Variants in ARIH1 observed in about 807,000 individuals in gnomAD.
ARIH1 encodes E3 ubiquitin-protein ligase ARIH1.
Under a neutral mutation model 85.0 loss-of-function variants are expected in ARIH1, and 8 were observed. That is an observed-to-expected ratio of 0.09 (90% CI 0.06 to 0.17). The LOEUF is 0.17. Among genes scored for constraint, ARIH1 ranks in the 10% least tolerant of loss-of-function variants. The pLI, the probability that ARIH1 is intolerant of heterozygous loss-of-function variation, is 1.00. For synonymous variants in ARIH1, 238 were observed against 253.6 expected (o/e 0.94, Z 0.59); for missense variants, 311 against 718.1 (o/e 0.43, Z 6.48).
chr15:72,546,444 T>A (rs2064129252), intron 3 of ARIH1, among the ~76,000 whole-genome samples: 1 of 152,186 alleles, frequency 6.6e-6, no homozygotes, highest in South Asian at 2.1e-4. Flanking sequence ...AACGTGAAAT[T>A]TTTGGCTTTA....
chr15:72,574,168 A>G (rs1435041848), intron 11 of ARIH1, among the ~76,000 whole-genome samples: 2 of 152,186 alleles, frequency 1.3e-5, no homozygotes, highest in Non-Finnish European at 1.5e-5. Context: ...TCTGAGATCT[A>G]TAGGGAGGGT....
chr15:72,486,792 C>T (rs967756381), intron 1 of ARIH1, among the ~76,000 whole-genome samples: 3 of 137,380 alleles, frequency 2.2e-5, no homozygotes, highest in Non-Finnish European at 3.0e-5. Context: ...CTCCTGGGTT[C>T]AAGTGATTAT....
At chr15:72,497,973 G>T (rs1282826570) in intron 1 of ARIH1, among the ~76,000 whole-genome samples, 1 of 152,182 alleles carries the variant, frequency 6.6e-6, no homozygotes, top group Non-Finnish European at 1.5e-5. Context: ...ATATACCATA[G>T]TAGGGATGTT....
intron 1 of ARIH1, among the ~76,000 whole-genome samples, chr15:72,490,637 A>C (rs1352578149): frequency 6.6e-6 from 1 of 152,044 alleles, no homozygotes; most frequent in African/African-American, 2.4e-5. Flanking sequence ...TGTAGTTTCA[A>C]AAATGTTCAT....
At chr15:72,528,703 A>C (rs1168037110) in intron 2 of ARIH1, among the ~76,000 whole-genome samples, 1 of 152,072 alleles carries the variant, frequency 6.6e-6, no homozygotes, top group Non-Finnish European at 1.5e-5. Flanking sequence ...AAAAAATAAA[A>C]AATTAGCTAG....
chr15:72,546,922 CT>C lies in ARIH1; in HGVS notation c.588+1967del, dbSNP rs1214973126. On this transcript the variant is annotated intron_variant, in intron 3 of 13. Coordinates refer to ENST00000379887, the MANE Select transcript of ARIH1 (RefSeq NM_005744.5). ...GTTTCTTCTCCTTTTCTTTTCTTTT[CT>C]TTTTTTTTGGAGGGGGGGGGGTGGG... 7.0e-4 allele frequency among the ~76,000 whole-genome samples: 41 copies of C among 58,798 alleles called. No individual in the cohort carries two copies. The East Asian group carries it at 0.016, about 23-fold the overall frequency. The allele number at this position is 58,798 out of a possible 152,430, so 38.6% of individuals were successfully genotyped here.
intron 1 of ARIH1, among the ~76,000 whole-genome samples, chr15:72,505,456 T>G (rs2063920652): frequency 6.6e-6 from 1 of 152,158 alleles, no homozygotes; most frequent in Admixed American, 6.5e-5. Context: ...GCATAATATT[T>G]CAAGTATGAA....
chr15:72,523,530 T>TG (rs397732044), intron 2 of ARIH1, among the ~76,000 whole-genome samples: 7 of 149,876 alleles, frequency 4.7e-5, no homozygotes, highest in East Asian at 3.9e-4. Context: ...TTTTTTTTTT[T>TG]GGGTGGGTGG....
rs568720729 is a variant in ARIH1 at position 72,559,720 on chromosome 15, A to G, written c.738-1763A>G. Among the ~76,000 whole-genome samples, 5 of 152,234 alleles carry G rather than the reference A, an allele frequency of 3.3e-5. No individual in the cohort carries two copies. The East Asian group carries it at 7.7e-4, about 23-fold the overall frequency. On this transcript the variant is annotated intron_variant, in intron 5 of 13. Coordinates refer to ENST00000379887, the MANE Select transcript of ARIH1 (RefSeq NM_005744.5). ...TCCTTTCTCCCCCTAGACCCTAGCA[A>G]CCACTCATCTGCTTTCTGTCTTTGT...
At chr15:72,508,994 CT>C (rs34620007) in intron 1 of ARIH1, among the ~76,000 whole-genome samples, 304 of 136,968 alleles carry the variant, frequency 2.2e-3, no homozygotes, top group East Asian at 4.3e-3. Context: ...GTGCCTGGCC[CT>C]TTTTTTTTTT....
chr15:72,534,152 C>G (rs1294458074), intron 2 of ARIH1, among the ~76,000 whole-genome samples: 3 of 152,050 alleles, frequency 2.0e-5, no homozygotes, highest in African/African-American at 7.3e-5. Context: ...GTTCTACTTA[C>G]ATAAAATATA....
At position 72,590,282 on chromosome 15, in the gene ARIH1, T is replaced by C. The variant is rs2064337461; in HGVS notation, c.*6990T>C. The C allele has an allele frequency of 6.6e-6, 1 of 151,638 alleles. No individual in the cohort carries two copies. The highest frequency in any genetic ancestry group is 2.4e-5 in the African/African-American group (1 of 41,398). The allele number at this position is 151,638 out of a possible 1,614,324, so 9.4% of individuals were successfully genotyped here. Reference sequence around the variant, plus strand: ...ATTATTTTCACCATGCTGTATCTGCTTCTCAGTCACCAAAAGCACCAGCTA... The same window carrying C: ...ATTATTTTCACCATGCTGTATCTGCCTCTCAGTCACCAAAAGCACCAGCTA... On this transcript the variant is annotated 3_prime_UTR_variant, in exon 14 of 14. Coordinates refer to ENST00000379887, the MANE Select transcript of ARIH1 (RefSeq NM_005744.5).
chr15:72,560,446 G>A (rs2064192985), intron 5 of ARIH1, among the ~76,000 whole-genome samples: 1 of 152,160 alleles, frequency 6.6e-6, no homozygotes, highest in Non-Finnish European at 1.5e-5. Flanking sequence ...TCACAACCAT[G>A]TTTCTGATAT....
In ARIH1 at chr15:72,561,540, C is replaced by G; in HGVS notation, c.795C>G (p.Ser265Arg). The change falls in exon 6 of 14, where the codon AGC (serine) becomes AGG (arginine). Residue 265 changes from serine to arginine, a missense_variant. Physicochemically the swap from Ser to Arg is moderately radical, Grantham distance 110. Coordinates refer to ENST00000379887, the MANE Select transcript of ARIH1 (RefSeq NM_005744.5). ...KLKYQHLITN[S>R]FVECNRLLKW... ...AGTATCAGCATTTAATAACAAATAG[C>G]TTTGTAGAGGTAAGTGATTTGTTTT... 2 of 1,577,256 alleles carry G rather than the reference C, an allele frequency of 1.3e-6. No individual in the cohort carries two copies. Among genetic ancestry groups the G allele is most frequent in the Non-Finnish European group, 1.7e-6 (2 of 1,152,370 alleles).
intron 1 of ARIH1, among the ~76,000 whole-genome samples, chr15:72,492,858 G>C (rs2063864980): frequency 6.6e-6 from 1 of 152,146 alleles, no homozygotes; most frequent in Non-Finnish European, 1.5e-5. Context: ...TCACCCTTAG[G>C]AATGAAAGTA....
chr15:72,566,639 T>C (rs1354681123), intron 8 of ARIH1, 34 bp downstream of exon 8: 1 of 1,572,236 alleles, frequency 6.4e-7, no homozygotes, highest in Admixed American at 1.7e-5. Context: ...TTTTAAATAA[T>C]GGCACACTTC....
rs1297406432 is a variant in ARIH1, at chr15:72,518,097, A to G, written c.406A>G (p.Ser136Gly). 2 of 1,611,924 alleles carry G rather than the reference A, an allele frequency of 1.2e-6. No homozygotes were observed. The highest frequency in any genetic ancestry group is 1.7e-6 in the Non-Finnish European group (2 of 1,178,514). Reference protein sequence around the residue: ...NPATITRILLSHFNWDKEKLM... With the variant: ...NPATITRILLGHFNWDKEKLM... The stretch of plus-strand genomic sequence containing the variant: ...AGCAACTATCACAAGAATACTCCTT[A>G]GCCACTTCAATTGGGATAAAGAGAA... Residue 136 changes from serine (S) to glycine (G), a missense_variant, in exon 2 of 14, where the codon AGC (serine) becomes GGC (glycine). By Grantham distance (56) the Ser-to-Gly change is moderately conservative. Around this residue, in one of 3 missense-constraint regions of ARIH1, gnomAD observed 104 missense variants for 221.4 expected, o/e 0.47. Transcript: ENST00000379887.
chr15:72,475,150 G>A, intron 1 of ARIH1, 136 bp downstream of exon 1: 1 of 1,423,584 alleles, frequency 7.0e-7, no homozygotes. Context: ...CTTCTCCGCT[G>A]CCTCTGCTGG....
rs993503790 is a variant in ARIH1, at chr15:72,596,765, T to C, written c.*13473T>C. 1 of 152,208 alleles carries C rather than the reference T, an allele frequency of 6.6e-6. No individual in the cohort carries two copies. The highest frequency in any genetic ancestry group is 2.4e-5 in the African/African-American group (1 of 41,472). 9.4% of individuals were successfully genotyped at this position (152,208 alleles called of 1,614,324 possible). On this transcript the variant is annotated 3_prime_UTR_variant, in exon 14 of 14. Transcript: ENST00000379887. ...ATTTAAAAATTTTTATTTTTAGTTA[T>C]TTATGGATACATAGTTGTACTGAAT...
Sources: allele counts gnomAD v4.1 joint callset (sites outside exome capture counted in the v4.1 genomes callset), GRCh38; gene constraint gnomAD v4.1.1; regional missense constraint gnomAD v4.1.1; transcripts MANE v1.5; gene names NCBI Gene and HGNC (gene_info 2026-07-23, HGNC 2026-07-21).